The following ARID1B variants were observed in gnomAD, a reference collection of about 807,000 sequenced individuals.
ARID1B encodes AT-rich interaction domain 1B.
Under a neutral mutation model 212.3 loss-of-function variants are expected in ARID1B, and 30 were observed. The observed-to-expected ratio is 0.14, with a 90% confidence interval of 0.11 to 0.19. ARID1B has a LOEUF of 0.19. Ranked by LOEUF, ARID1B falls within the 10% of genes least tolerant of loss-of-function variation. The pLI is 1.00. For synonymous variants in ARID1B, 1,402 were observed against 1,301.7 expected (o/e 1.08, Z -1.66); for missense variants, 2,891 against 3,204.0 (o/e 0.90, Z 2.36).
At chr6:156,898,312 T>A (rs892552548) in intron 2 of ARID1B, among the ~76,000 whole-genome samples, 12 of 152,282 alleles carry the variant, frequency 7.9e-5, no homozygotes, top group African/African-American at 2.9e-4. Flanking sequence ...GAAGCTCAGG[T>A]GCTTTCCTCA....
At chr6:156,822,412 T>C (rs974902513) in intron 1 of ARID1B, among the ~76,000 whole-genome samples, 1 of 152,244 alleles carries the variant, frequency 6.6e-6, no homozygotes, top group Non-Finnish European at 1.5e-5. Context: ...GAGATGGGAC[T>C]GTGGACCCGA....
At chr6:156,822,848 G>A (rs1782454710) in intron 1 of ARID1B, among the ~76,000 whole-genome samples, 1 of 152,182 alleles carries the variant, frequency 6.6e-6, no homozygotes, top group South Asian at 2.1e-4. Flanking sequence ...GACCAGGCGG[G>A]TGTGCGAGGG....
chr6:157,035,233 A>C (rs999983176), intron 4 of ARID1B, among the ~76,000 whole-genome samples: 7 of 152,222 alleles, frequency 4.6e-5, no homozygotes, highest in Non-Finnish European at 7.3e-5. Flanking sequence ...TTTCTTGCAA[A>C]GTTAAACTGT....
intron 2 of ARID1B, among the ~76,000 whole-genome samples, chr6:156,858,047 T>G (rs538785380): frequency 6.6e-6 from 1 of 152,316 alleles, no homozygotes; most frequent in African/African-American, 2.4e-5. Flanking sequence ...TCAGCCATAG[T>G]AGAGAATGAA....
intron 6 of ARID1B, among the ~76,000 whole-genome samples, chr6:157,126,883 C>T (rs896388824): frequency 3.3e-5 from 5 of 152,140 alleles, no homozygotes; most frequent in Admixed American, 1.3e-4. Flanking sequence ...CTTTTAAAGA[C>T]GCAGCTGCGT....
chr6:156,850,078 C>G (rs1360575824), intron 2 of ARID1B, among the ~76,000 whole-genome samples: 4 of 149,458 alleles, frequency 2.7e-5, no homozygotes, highest in African/African-American at 9.9e-5. Flanking sequence ...CCGCCCAGCC[C>G]CGGGAGAGCA....
At chr6:157,106,370 C>T (rs1786483538) in intron 5 of ARID1B, among the ~76,000 whole-genome samples, 1 of 152,196 alleles carries the variant, frequency 6.6e-6, no homozygotes, top group Non-Finnish European at 1.5e-5. Context: ...AGCCTGCATC[C>T]TCATCTGGAG....
intron 4 of ARID1B, among the ~76,000 whole-genome samples, chr6:157,076,516 G>A (rs1784320260): frequency 8.0e-6 from 1 of 125,726 alleles, no homozygotes; most frequent in African/African-American, 2.6e-5. Context: ...CTATACTACT[G>A]AAGAAATGAA....
chr6:157,161,445 A>G (rs1474728393), intron 8 of ARID1B, among the ~76,000 whole-genome samples: 2 of 148,286 alleles, frequency 1.3e-5, no homozygotes, highest in African/African-American at 5.2e-5. Flanking sequence ...ATATATATAT[A>G]TATATATATT....
At chr6:156,929,548 G>T (rs1238744968) in intron 3 of ARID1B, among the ~76,000 whole-genome samples, 1 of 152,174 alleles carries the variant, frequency 6.6e-6, no homozygotes, top group African/African-American at 2.4e-5. Flanking sequence ...AAGAGAAAAG[G>T]ATCAAGAAAT....
intron 2 of ARID1B, among the ~76,000 whole-genome samples, chr6:156,861,773 T>G (rs1245586339): frequency 6.6e-6 from 1 of 152,114 alleles, no homozygotes; most frequent in African/African-American, 2.4e-5. Flanking sequence ...AGGAGGCAGC[T>G]ATGAAGTCTG....
intron 4 of ARID1B, among the ~76,000 whole-genome samples, chr6:156,974,228 A>G (rs1777096097): frequency 6.6e-6 from 1 of 152,234 alleles, no homozygotes. Context: ...CCTACAGTTC[A>G]GGATTTTTAA....
intron 2 of ARID1B, chr6:156,829,746 A>G: frequency 4.9e-6 from 1 of 202,276 alleles, no homozygotes; most frequent in Non-Finnish European, 1.0e-5. Flanking sequence ...CATTTTTGTC[A>G]GACTGTGTCA....
At chr6:156,859,199 C>T (rs1293976199) in intron 2 of ARID1B, among the ~76,000 whole-genome samples, 2 of 152,072 alleles carry the variant, frequency 1.3e-5, no homozygotes, top group Admixed American at 6.6e-5. Context: ...CTGCAACCTC[C>T]GCCTCCCGGG....
chr6:156,861,500 A>C (rs1226400335), intron 2 of ARID1B, among the ~76,000 whole-genome samples: 1 of 152,000 alleles, frequency 6.6e-6, no homozygotes, highest in Non-Finnish European at 1.5e-5. Context: ...GGTCTCAGCT[A>C]CTCGGGAGGC....
chr6:156,865,411 C>A (rs983696122), intron 2 of ARID1B, among the ~76,000 whole-genome samples: 4 of 152,168 alleles, frequency 2.6e-5, no homozygotes, highest in African/African-American at 9.7e-5. Flanking sequence ...CTGTCTTAAC[C>A]ACCAGTCTTG....
rs10536002 is a variant in ARID1B at position 157,000,696 on chromosome 6, C to CT, written c.2247+65140dup. 1.7e-3 allele frequency among the ~76,000 whole-genome samples: 170 copies of CT among 99,206 alleles called. 3 individuals carry two copies. Among genetic ancestry groups the CT allele is most frequent in the East Asian group, 4.0e-3 (14 of 3,508 alleles). 65.1% of individuals were successfully genotyped at this position (99,206 alleles called of 152,430 possible). ...TTCTAAACACCCATTTCTAATTATT[C>CT]TTTTTTTTTTTTTTTTTTTTGAGAC... On this transcript the variant is annotated intron_variant, in intron 4 of 19. Transcript: ENST00000636930.
At chr6:156,944,877 TC>T (rs1792949477) in intron 4 of ARID1B, among the ~76,000 whole-genome samples, 1 of 151,998 alleles carries the variant, frequency 6.6e-6, no homozygotes. Flanking sequence ...GGAGAATGCC[TC>T]CTGCATCCCC....
intron 4 of ARID1B, among the ~76,000 whole-genome samples, chr6:157,082,495 T>TTA (rs770226871): frequency 6.6e-5 from 10 of 152,158 alleles, no homozygotes; most frequent in Non-Finnish European, 1.2e-4. Flanking sequence ...GCATAAATGT[T>TTA]TATATACCTT....
Sources: gnomAD v4.1 joint callset for allele counts (sites outside exome capture counted in the v4.1 genomes callset) on GRCh38, gnomAD v4.1.1 for gene constraint, MANE v1.5 for transcripts, NCBI Gene and HGNC (gene_info 2026-07-23, HGNC 2026-07-21) for gene names.